Variants in PDE1A observed in about 807,000 individuals in gnomAD.
PDE1A encodes the protein phosphodiesterase 1A.
A neutral mutation model predicts 61.7 loss-of-function variants in PDE1A; 35 were observed. That is an observed-to-expected ratio of 0.57 (90% CI 0.43 to 0.75). PDE1A has a LOEUF of 0.75. Ranked by LOEUF, PDE1A falls within the 30% of genes least tolerant of loss-of-function variation. The probability of loss-of-function intolerance (pLI) is 0.00; values close to 1 mark genes in which losing one functional copy is unlikely to be tolerated. For synonymous variants in PDE1A, 232 were observed against 213.2 expected (o/e 1.09, Z -0.77); for missense variants, 597 against 630.6 (o/e 0.95, Z 0.57).
intron 1 of PDE1A, among the ~76,000 whole-genome samples, chr2:182,305,661 T>C (rs749084942): frequency 5.9e-5 from 9 of 152,102 alleles, no homozygotes; most frequent in Non-Finnish European, 1.3e-4. Context: ...AGCATTAGAA[T>C]TTCAAAATTT....
chr2:182,679,609 T>A, the PDE1A span, among the ~76,000 whole-genome samples: 1 of 152,148 alleles, frequency 6.6e-6, no homozygotes, highest in African/African-American at 2.4e-5. Flanking sequence ...AAGATAAAAC[T>A]TTTTAAAAAA....
intron 1 of PDE1A, among the ~76,000 whole-genome samples, chr2:182,336,960 CTTTT>C (rs71008221): frequency 7.4e-4 from 108 of 146,178 alleles, no homozygotes; most frequent in African/African-American, 2.7e-3. Flanking sequence ...ACATGTATCC[CTTTT>C]TTTTTTTTTT....
intron 6 of PDE1A, among the ~76,000 whole-genome samples, chr2:182,224,976 C>CACTT (rs1313264757): frequency 1.3e-5 from 2 of 151,792 alleles, no homozygotes; most frequent in East Asian, 3.9e-4. Flanking sequence ...TTATTCTGTA[C>CACTT]ACTTAAAACA....
chr2:182,519,569 A>G (rs72890726), intron 2 of PDE1A, among the ~76,000 whole-genome samples: 3,741 of 152,062 alleles, frequency 0.025, 69 homozygotes, highest in Non-Finnish European at 0.037. Flanking sequence ...TGGTGTCTCA[A>G]ATATTATATG....
chr2:182,416,031 G>A (rs910160774), intron 1 of PDE1A, among the ~76,000 whole-genome samples: 5 of 152,112 alleles, frequency 3.3e-5, no homozygotes, highest in Admixed American at 6.6e-5. Context: ...TCAGTGTCCC[G>A]TGTCTCTTTC....
chr2:182,578,303 G>A, the PDE1A span, among the ~76,000 whole-genome samples: 1,087 of 152,046 alleles, frequency 7.1e-3, 5 homozygotes, highest in Middle Eastern at 0.027. Context: ...GCAAATTTAA[G>A]GGTCCTCTTT....
chr2:182,594,300 T>C, the PDE1A span, among the ~76,000 whole-genome samples: 1 of 152,218 alleles, frequency 6.6e-6, no homozygotes, highest in African/African-American at 2.4e-5. Context: ...TAATCTAAAA[T>C]GTGGACATCT....
At chr2:182,297,709 C>G (rs1345249451) in intron 1 of PDE1A, among the ~76,000 whole-genome samples, 1 of 152,194 alleles carries the variant, frequency 6.6e-6, no homozygotes, top group African/African-American at 2.4e-5. Context: ...AGCTAAATCT[C>G]TACCTGAGAA....
intron 2 of PDE1A, among the ~76,000 whole-genome samples, chr2:182,514,148 A>C (rs4666851): frequency 0.35 from 53,615 of 152,010 alleles, 10,003 homozygotes; most frequent in Middle Eastern, 0.44. Flanking sequence ...CTACAACAAG[A>C]ATTACAAAAC....
the PDE1A span, among the ~76,000 whole-genome samples, chr2:182,689,468 C>A: frequency 6.6e-6 from 1 of 152,158 alleles, no homozygotes; most frequent in Admixed American, 6.6e-5. Context: ...TAAAAATGTT[C>A]TTTGAAACCA....
Position 182,189,936 on chromosome 2 carries a change from T to G in PDE1A, c.1126-876A>C, listed in dbSNP as rs114711640. Among the ~76,000 whole-genome samples the G allele has an allele frequency of 5.9e-3, 896 of 152,344 alleles. 4 individuals are homozygous for G. The highest frequency in any genetic ancestry group is 9.4e-3 in the Non-Finnish European group (640 of 68,022). The stretch of plus-strand genomic sequence containing the variant: ...GAACATTTTAGGTTCTATTTTCTCC[T>G]AATTTATTGGCTGTATACCTTCATG... On this transcript the variant is annotated intron_variant, in intron 10 of 13. Coordinates refer to ENST00000351439, the Ensembl canonical transcript of PDE1A.
chr2:182,555,098 A>G, the PDE1A span, among the ~76,000 whole-genome samples: 1 of 152,244 alleles, frequency 6.6e-6, no homozygotes, highest in Non-Finnish European at 1.5e-5. Flanking sequence ...ACTCCTGGGC[A>G]ATGACTCAAA....
intron 13 of PDE1A, among the ~76,000 whole-genome samples, chr2:182,169,517 T>A (rs1691936170): frequency 6.6e-6 from 1 of 151,990 alleles, no homozygotes; most frequent in South Asian, 2.1e-4. Flanking sequence ...TAATACTCAA[T>A]AAGGACCATC....
chr2:182,566,661 A>T, the PDE1A span, among the ~76,000 whole-genome samples: 1 of 152,134 alleles, frequency 6.6e-6, no homozygotes, highest in South Asian at 2.1e-4. Context: ...TACGTCCTTA[A>T]AGTTCTCAAG....
intron 1 of PDE1A, among the ~76,000 whole-genome samples, chr2:182,405,327 A>T (rs1702240827): frequency 1.3e-5 from 2 of 152,244 alleles, no homozygotes; most frequent in South Asian, 4.1e-4. Flanking sequence ...GAAGAACAAG[A>T]AGACACAGCT....
the PDE1A span, among the ~76,000 whole-genome samples, chr2:182,702,563 A>T: frequency 6.6e-6 from 1 of 152,230 alleles, no homozygotes; most frequent in Non-Finnish European, 1.5e-5. Flanking sequence ...ACTTCATAAA[A>T]TATGCACAAT....
intron 1 of PDE1A, among the ~76,000 whole-genome samples, chr2:182,365,075 T>C (rs1293772221): frequency 6.6e-6 from 1 of 152,110 alleles, no homozygotes; most frequent in Admixed American, 6.6e-5. Flanking sequence ...TTTCAATTTG[T>C]AGAAGGTTCT....
At chr2:182,347,263 AT>A (rs1317315083) in intron 1 of PDE1A, among the ~76,000 whole-genome samples, 2 of 152,154 alleles carry the variant, frequency 1.3e-5, no homozygotes, top group Admixed American at 6.6e-5. Context: ...TACCATGCTA[AT>A]AACTCAAGGA....
At chr2:182,631,543 C>A in the PDE1A span, among the ~76,000 whole-genome samples, 1 of 152,146 alleles carries the variant, frequency 6.6e-6, no homozygotes, top group Admixed American at 6.6e-5. Flanking sequence ...CACAGGCATA[C>A]CCCCCAGAAA....
Sources: allele counts gnomAD v4.1 joint callset (sites outside exome capture counted in the v4.1 genomes callset), GRCh38; gene constraint gnomAD v4.1.1; transcripts MANE v1.5; gene names NCBI Gene and HGNC (gene_info 2026-07-23, HGNC 2026-07-21).